WDR33: variants seen among roughly 807,000 people sequenced by gnomAD.
WDR33 encodes pre-mRNA 3' end processing protein WDR33.
WDR33 carries 47 observed loss-of-function variants against 164.9 expected under a neutral mutation model. That is an observed-to-expected ratio of 0.29 (90% confidence interval 0.23 to 0.36). The LOEUF is 0.36. Among genes scored for constraint, WDR33 ranks in the 10% least tolerant of loss-of-function variants. The pLI, the probability that WDR33 is intolerant of heterozygous loss-of-function variation, is 1.00. For synonymous variants in WDR33, 505 were observed against 589.0 expected, an observed-to-expected ratio of 0.86 and a Z score of 2.06; for missense variants, 1,137 against 1,754.1, an observed-to-expected ratio of 0.65 and a Z score of 6.28.
intron 1 of WDR33, among the ~76,000 whole-genome samples, chr2:127,809,031 C>CAAAAA (rs11305287): frequency 3.5e-5 from 3 of 84,930 alleles, no homozygotes; most frequent in African/African-American, 4.6e-5. Flanking sequence ...ACTCTTGTCT[C>CAAAAA]AAAAAAAAAA....
At position 127,763,593 on chromosome 2, in the gene WDR33, GA is replaced by G; in HGVS notation, c.627-435del. The G allele has an allele frequency of 6.0e-6, 6 of 998,940 alleles. No individual in the cohort carries two copies. The highest frequency in any genetic ancestry group is 7.2e-6 in the Non-Finnish European group (6 of 838,204). The allele number at this position is 998,940 out of a possible 1,614,324, so 61.9% of individuals were successfully genotyped here. A position where few individuals can be genotyped will look rare whatever the true frequency, so the allele number is the denominator to read the frequency against. On this transcript the variant is annotated intron_variant, in intron 6 of 21. Coordinates refer to ENST00000322313, the MANE Select transcript of WDR33 (RefSeq NM_018383.5). This position sits in a 1 kb window ranked among gnomAD's most constrained non-coding sequence, Gnocchi z 4.5. ...CCTCAGACACTTCATGAAATAAGCT[GA>G]AACAATGTGGGCTGTCTATTAAAAG...
intron 7 of WDR33, among the ~76,000 whole-genome samples, chr2:127,759,400 G>GC (rs1218451948): frequency 6.6e-6 from 1 of 152,034 alleles, no homozygotes. Flanking sequence ...ATAATAAAAA[G>GC]CAACTACAGG....
In WDR33 at chr2:127,802,806, C is replaced by G. The variant is rs1279570516; in HGVS notation, c.-24+8206G>C. ...CCAGACTGGGCAACATGGCAAAACC[C>G]AGACTATACCAAAAAACACAAAAAA... is the stretch of plus-strand genomic sequence containing the variant. On this transcript the variant is annotated intron_variant, in intron 1 of 21. Transcript: ENST00000322313. 7.2e-5 allele frequency among the ~76,000 whole-genome samples: 11 copies of G among 151,930 alleles called. No individual in the cohort carries two copies. In the East Asian group the frequency reaches 1.9e-3, roughly 27 times the overall value.
intron 1 of WDR33, among the ~76,000 whole-genome samples, chr2:127,786,268 C>T (rs986914720): frequency 6.6e-6 from 1 of 152,206 alleles, no homozygotes; most frequent in Non-Finnish European, 1.5e-5. Flanking sequence ...CTCCTAGGCT[C>T]AAGCGATCCT....
intron 18 of WDR33, among the ~76,000 whole-genome samples, chr2:127,711,766 A>ATTTTTTTTTTT (rs1309830917): frequency 4.1e-5 from 3 of 72,624 alleles, no homozygotes; most frequent in African/African-American, 3.8e-4. Flanking sequence ...ATATATATAT[A>ATTTTTTTTTTT]TATATATATA....
Position 127,709,754 on chromosome 2 carries a change from A to C in WDR33, c.3411T>G (p.Asp1137Glu). 6.2e-7 allele frequency: 1 copy of C among 1,614,236 alleles called. No homozygotes were observed. Among genetic ancestry groups the C allele is most frequent in the South Asian group, 1.1e-5 (1 of 91,084 alleles). ...PEDFGPEENF[D>E]ASEEAARGRD... is the part of the protein sequence containing the mutation. ...GTCCTCGGGCCGCTTCCTCAGAAGC[A>C]TCAAAATTCTCCTCTGGACCAAAGT... Residue 1137 changes from aspartate to glutamate, a missense_variant, in exon 19 of 22, where the codon GAT becomes GAG. Asp to Glu is a conservative substitution (Grantham distance 45). Coordinates refer to ENST00000322313, the MANE Select transcript of WDR33 (RefSeq NM_018383.5). The surrounding 1 kb of genome is among the most constrained non-coding windows in gnomAD (Gnocchi z 5.0).
intron 1 of WDR33, among the ~76,000 whole-genome samples, chr2:127,776,386 G>A (rs1319485973): frequency 6.6e-6 from 1 of 152,188 alleles, no homozygotes; most frequent in Non-Finnish European, 1.5e-5. Flanking sequence ...CTAGCTAAGA[G>A]AGTGGCAGTC....
intron 1 of WDR33, among the ~76,000 whole-genome samples, chr2:127,778,800 C>T (rs1688275602): frequency 6.6e-6 from 1 of 152,124 alleles, no homozygotes; most frequent in African/African-American, 2.4e-5. Flanking sequence ...ATACCAAGGC[C>T]AGCATAATTT....
intron 7 of WDR33, among the ~76,000 whole-genome samples, chr2:127,752,596 C>CAAAA (rs34369142): frequency 4.6e-4 from 35 of 76,504 alleles, no homozygotes; most frequent in Non-Finnish European, 6.0e-4. Context: ...GACTCCGTCT[C>CAAAA]AAAAAAAAAA....
chr2:127,776,483 C>A (rs1422222943), intron 1 of WDR33, among the ~76,000 whole-genome samples: 5 of 152,168 alleles, frequency 3.3e-5, no homozygotes, highest in Non-Finnish European at 5.9e-5. Flanking sequence ...CTTTGGGAGG[C>A]CGATACAGGT....
chr2:127,737,896 AT>A (rs1466525898), intron 7 of WDR33: 2 of 1,515,260 alleles, frequency 1.3e-6, no homozygotes, highest in Non-Finnish European at 1.8e-6. Flanking sequence ...ACCCATAGCC[AT>A]CCACAGCATC....
intron 7 of WDR33, among the ~76,000 whole-genome samples, chr2:127,744,083 G>A (rs2105405927): frequency 6.6e-6 from 1 of 152,258 alleles, no homozygotes; most frequent in South Asian, 2.1e-4. Flanking sequence ...ATATTTAGGT[G>A]GTGACAATTT....
intron 7 of WDR33, among the ~76,000 whole-genome samples, chr2:127,746,440 A>G (rs1377816284): frequency 6.6e-6 from 1 of 152,048 alleles, no homozygotes; most frequent in Non-Finnish European, 1.5e-5. Flanking sequence ...TATTTTCTTT[A>G]CTCCTATCTT....
At chr2:127,711,778 A>ATTTTTTTTTTTT (rs1375261650) in intron 18 of WDR33, among the ~76,000 whole-genome samples, 5 of 93,036 alleles carry the variant, frequency 5.4e-5, no homozygotes, top group African/African-American at 1.2e-4. Flanking sequence ...ATATATATAT[A>ATTTTTTTTTTTT]TATTTTTTTT....
chr2:127,787,521 C>T (rs1408652329), intron 1 of WDR33, among the ~76,000 whole-genome samples: 1 of 130,126 alleles, frequency 7.7e-6, no homozygotes, highest in African/African-American at 3.2e-5. Flanking sequence ...GACGGGGCGG[C>T]TGGCCGGTCG....
intron 18 of WDR33, among the ~76,000 whole-genome samples, chr2:127,711,177 C>A (rs1209976316): frequency 6.6e-6 from 1 of 152,168 alleles, no homozygotes; most frequent in South Asian, 2.1e-4. Flanking sequence ...GTAATCCCAG[C>A]ACTTTGGGAG....
At chr2:127,742,736 A>G (rs1226748615) in intron 7 of WDR33, among the ~76,000 whole-genome samples, 2 of 151,914 alleles carry the variant, frequency 1.3e-5, no homozygotes, top group African/African-American at 4.8e-5. Flanking sequence ...CCGTAAGACA[A>G]GCAAAGACAA....
Position 127,726,551 on chromosome 2 carries a change from T to G in WDR33, c.851+100A>C. Reference sequence around the variant, plus strand: ...CAAGTCCATCTGTTGCCTAAATGACTCTTCCAGAAATACATAAGAGAAAAC... The same window carrying G: ...CAAGTCCATCTGTTGCCTAAATGACGCTTCCAGAAATACATAAGAGAAAAC... On this transcript the variant is annotated intron_variant, in intron 8 of 21. Coordinates refer to ENST00000322313, the MANE Select transcript of WDR33 (RefSeq NM_018383.5). The surrounding 1 kb of genome is among the most constrained non-coding windows in gnomAD (Gnocchi z 4.8). The G allele has an allele frequency of 1.3e-6, 2 of 1,482,492 alleles. No individual in the cohort carries two copies. Among genetic ancestry groups the G allele is most frequent in the Non-Finnish European group, 1.8e-6 (2 of 1,104,926 alleles). 91.8% of individuals were successfully genotyped at this position (1,482,492 alleles called of 1,614,324 possible). A position where few individuals can be genotyped will look rare whatever the true frequency, so the allele number is the denominator to read the frequency against.
At chr2:127,743,935 A>G (rs1471463064) in intron 7 of WDR33, among the ~76,000 whole-genome samples, 1 of 152,230 alleles carries the variant, frequency 6.6e-6, no homozygotes, top group Non-Finnish European at 1.5e-5. Context: ...AGAAACAATT[A>G]GTTTTAAGAA....
Sources: gnomAD v4.1 joint callset for allele counts (sites outside exome capture counted in the v4.1 genomes callset) on GRCh38, gnomAD v4.1.1 for gene constraint, Gnocchi (gnomAD v3.1) non-coding constraint, MANE v1.5 for transcripts, NCBI Gene and HGNC (gene_info 2026-07-23, HGNC 2026-07-21) for gene names.